FBXO28: variants seen among roughly 807,000 people sequenced by gnomAD.
FBXO28 encodes F-box only protein 28.
A neutral mutation model predicts 38.1 loss-of-function variants in FBXO28; 8 were observed. That is an observed-to-expected ratio of 0.21 (90% CI 0.12 to 0.38). FBXO28 has a LOEUF of 0.38. FBXO28 is among the 10% of genes least tolerant of loss of function. The pLI, the probability that FBXO28 is intolerant of heterozygous loss-of-function variation, is 1.00. For missense variants in FBXO28, 345 were observed against 460.6 expected (o/e 0.75, Z 2.30); for synonymous variants, 168 against 173.8 (o/e 0.97, Z 0.26).
chr1:224,127,778 G>A lies in FBXO28; in HGVS notation c.268-2694G>A, dbSNP rs554928283. On this transcript the variant is annotated intron_variant, in intron 1 of 4. Transcript: ENST00000366862. ...AAAAATTAGCTGGGCGTGGTGGCAC[G>A]CAACTGTAATCCCAGCTACTCGGGA... Among the ~76,000 whole-genome samples, 25 of 152,150 alleles carry A rather than the reference G, an allele frequency of 1.6e-4. 1 individual carries two copies. In the South Asian group the frequency reaches 2.5e-3, roughly 15 times the overall value.
intron 4 of FBXO28, among the ~76,000 whole-genome samples, chr1:224,155,890 G>C (rs1657763403): frequency 6.6e-6 from 1 of 152,200 alleles, no homozygotes; most frequent in Non-Finnish European, 1.5e-5. Flanking sequence ...CAGACTTGAA[G>C]TTAAATAAAT....
At chr1:224,156,887 A>G (rs1657785879) in intron 4 of FBXO28, among the ~76,000 whole-genome samples, 1 of 151,866 alleles carries the variant, frequency 6.6e-6, no homozygotes, top group South Asian at 2.1e-4. Context: ...CTGTAGTCCC[A>G]GCTACTTGGG....
Position 224,114,154 on chromosome 1 carries a change from A to T in FBXO28, c.25A>T (p.Met9Leu). 2 of 1,545,210 alleles carry T rather than the reference A, an allele frequency of 1.3e-6. No homozygotes were observed. Among genetic ancestry groups the T allele is most frequent in the South Asian group, 2.4e-5 (2 of 83,512 alleles). The stretch of plus-strand genomic sequence containing the variant: ...GATGGCGGCAGCGGCGGAGGAGCGG[A>T]TGGCAGAGGAAGGAGGCGGCGGCCA... MAAAAEER[M>L]AEEGGGGQGD... The change falls in exon 1 of 5, where the codon ATG (methionine) becomes TTG (leucine). Residue 9 changes from methionine to leucine, a missense_variant. Physicochemically the swap from Met to Leu is conservative, Grantham distance 15 (BLOSUM62 2). Around this residue, in one of 6 missense-constraint regions of FBXO28, gnomAD observed 104 missense variants for 82.0 expected, o/e 1.27. Transcript: ENST00000366862.
At chr1:224,132,884 C>T (rs1657086195) in intron 2 of FBXO28, among the ~76,000 whole-genome samples, 1 of 151,810 alleles carries the variant, frequency 6.6e-6, no homozygotes, top group African/African-American at 2.4e-5. Flanking sequence ...CAATTTCATT[C>T]CTAGATAAGT....
intron 2 of FBXO28, among the ~76,000 whole-genome samples, chr1:224,131,900 A>T (rs753008493): frequency 7.9e-5 from 12 of 152,202 alleles, no homozygotes; most frequent in Non-Finnish European, 1.3e-4. Context: ...ACCTGCGTAA[A>T]TCATGTATCC....
intron 1 of FBXO28, among the ~76,000 whole-genome samples, chr1:224,120,640 A>G (rs946057702): frequency 6.6e-6 from 1 of 152,212 alleles, no homozygotes; most frequent in Admixed American, 6.5e-5. Context: ...AGGCAGGTGA[A>G]TTACCTGAGG....
At chr1:224,126,216 C>CT (rs11385748) in intron 1 of FBXO28, among the ~76,000 whole-genome samples, 150,479 of 152,288 alleles carry the variant, frequency 0.99, 74,368 homozygotes, top group Middle Eastern at 1. Flanking sequence ...TACTTAAATA[C>CT]TACACTAGCC....
chr1:224,157,688 A>G lies in FBXO28; in HGVS notation c.1049A>G (p.Lys350Arg). The G allele has an allele frequency of 6.2e-7, 1 of 1,613,774 alleles. No homozygotes were observed. Among genetic ancestry groups the G allele is most frequent in the Non-Finnish European group, 8.5e-7 (1 of 1,179,932 alleles). Residue 350 changes from lysine (K) to arginine (R), a missense_variant, in exon 5 of 5, where the codon AAG (lysine) becomes AGG (arginine). This residue lies in a region of FBXO28 where 151 missense variants were observed against 188.3 expected (regional missense o/e 0.80). Coordinates refer to ENST00000366862, the MANE Select transcript of FBXO28 (RefSeq NM_015176.4). ...GAGGAGTCTCCTCGGAAACGAAAAA[A>G]GGCCACGGAAGCCATAGACTCTCTT... Reference protein sequence around the residue: ...QNEESPRKRKKATEAIDSLRK... With the variant: ...QNEESPRKRKRATEAIDSLRK...
At position 224,159,747 on chromosome 1, in the gene FBXO28, T is replaced by C. The variant is rs1572030610; in HGVS notation, c.*2001T>C. 6.6e-6 allele frequency: 1 copy of C among 152,294 alleles called. No individual in the cohort carries two copies. Among genetic ancestry groups the C allele is most frequent in the Non-Finnish European group, 1.5e-5 (1 of 68,018 alleles). The allele number at this position is 152,294 out of a possible 1,614,324, so 9.4% of individuals were successfully genotyped here. A position where few individuals can be genotyped will look rare whatever the true frequency, so the allele number is the denominator to read the frequency against. ...GTATCAAAGCATGTGTTTACAGATT[T>C]ACAGAGTGTGATCCGTATGCATCAA... On this transcript the variant is annotated 3_prime_UTR_variant, in exon 5 of 5. Transcript: ENST00000366862.
intron 1 of FBXO28, among the ~76,000 whole-genome samples, chr1:224,122,504 T>C (rs1656801857): frequency 1.3e-5 from 2 of 152,224 alleles, no homozygotes; most frequent in Admixed American, 6.5e-5. Flanking sequence ...TTTATAGCTC[T>C]TTGAGGCGGG....
rs6687643 is a variant in FBXO28 at position 224,143,422 on chromosome 1, C to G, written c.516+9210C>G. Among the ~76,000 whole-genome samples the G allele has an allele frequency of 2.5e-3, 380 of 151,986 alleles. 2 individuals carry two copies. The highest frequency in any genetic ancestry group is 8.4e-3 in the African/African-American group (347 of 41,450). ...TGAGTGAGTGTGGGTGTGAGGGTGC[C>G]CTGCAGTGAGATGGCATCCTGGCCA... On this transcript the variant is annotated intron_variant, in intron 3 of 4. Transcript: ENST00000366862.
At chr1:224,131,342 T>TA (rs1255789722) in intron 2 of FBXO28, among the ~76,000 whole-genome samples, 2 of 151,764 alleles carry the variant, frequency 1.3e-5, no homozygotes, top group African/African-American at 4.8e-5. Flanking sequence ...CCTGTGGAAA[T>TA]ACAAGAGTCT....
chr1:224,127,163 T>TG (rs1491414062), intron 1 of FBXO28, among the ~76,000 whole-genome samples: 366 of 80,492 alleles, frequency 4.5e-3, no homozygotes, highest in African/African-American at 0.014. Flanking sequence ...ATGTAAAGTA[T>TG]TTGTGTGTGT....
chr1:224,119,135 C>CTTTTTTTTTTTTTT lies in FBXO28; in HGVS notation c.267+4744_267+4757dup, dbSNP rs67458349. ...CTCTTGCTGATTTTTTCTTTTTTTT[C>CTTTTTTTTTTTTTT]TTTTTTTTTTTTTTTTTTGACGGAA... is the stretch of plus-strand genomic sequence containing the variant. On this transcript the variant is annotated intron_variant, in intron 1 of 4. Transcript: ENST00000366862. Among the ~76,000 whole-genome samples the CTTTTTTTTTTTTTT allele has an allele frequency of 2.2e-3, 241 of 109,894 alleles. 6 individuals carry two copies. The highest frequency in any genetic ancestry group is 6.5e-3 in the Middle Eastern group (1 of 154). 72.1% of individuals were successfully genotyped at this position (109,894 alleles called of 152,430 possible). A position where few individuals can be genotyped will look rare whatever the true frequency, so the allele number is the denominator to read the frequency against.
At chr1:224,129,472 T>G (rs1029301841) in intron 1 of FBXO28, among the ~76,000 whole-genome samples, 7 of 152,244 alleles carry the variant, frequency 4.6e-5, no homozygotes, top group Non-Finnish European at 8.8e-5. Context: ...ATATAAACTT[T>G]GTAAGAGGTT....
intron 1 of FBXO28, among the ~76,000 whole-genome samples, chr1:224,119,957 C>A (rs1416430802): frequency 6.6e-6 from 1 of 152,142 alleles, no homozygotes; most frequent in African/African-American, 2.4e-5. Flanking sequence ...TTTTTGAGAA[C>A]CTCCAGGGCT....
At chr1:224,147,040 A>G (rs1366296570) in intron 3 of FBXO28, among the ~76,000 whole-genome samples, 2 of 151,944 alleles carry the variant, frequency 1.3e-5, no homozygotes, top group African/African-American at 4.8e-5. Flanking sequence ...TCAGCTCTGT[A>G]TTCGTGGGTT....
At chr1:224,122,338 G>T (rs6673438) in intron 1 of FBXO28, among the ~76,000 whole-genome samples, 150,250 of 152,282 alleles carry the variant, frequency 0.99, 74,157 homozygotes, top group Middle Eastern at 1. Context: ...ATCTATCCCA[G>T]GAACATTCTT....
At chr1:224,127,164 T>TTGTGTG (rs564171368) in intron 1 of FBXO28, among the ~76,000 whole-genome samples, 1,252 of 88,522 alleles carry the variant, frequency 0.014, 16 homozygotes, top group African/African-American at 0.028. Flanking sequence ...TGTAAAGTAT[T>TTGTGTG]TGTGTGTGTG....
Sources: allele counts gnomAD v4.1 joint callset (sites outside exome capture counted in the v4.1 genomes callset), GRCh38; gene constraint gnomAD v4.1.1; regional missense constraint gnomAD v4.1.1; transcripts MANE v1.5; gene names NCBI Gene and HGNC (gene_info 2026-07-23, HGNC 2026-07-21).